Variants in NBEA observed in about 807,000 individuals in gnomAD.
NBEA encodes the protein lysosomal-trafficking regulator 2.
In NBEA, 44 loss-of-function variants were observed where a neutral mutation model predicts 343.4. The ratio of observed to expected loss-of-function variants is 0.13; its 90% confidence interval spans 0.10 to 0.16. The LOEUF is 0.16. NBEA is among the 10% of genes least tolerant of loss of function. NBEA has a pLI of 1.00. For missense variants in NBEA, 2,555 were observed against 3,631.3 expected, an observed-to-expected ratio of 0.70 and a Z score of 7.62; for synonymous variants, 1,175 against 1,238.7, an observed-to-expected ratio of 0.95 and a Z score of 1.08.
At chr13:35,343,829 C>T (rs144361530) in intron 36 of NBEA, among the ~76,000 whole-genome samples, 432 of 152,110 alleles carry the variant, frequency 2.8e-3, no homozygotes, top group Non-Finnish European at 4.8e-3. Context: ...GCTCAGGGCT[C>T]CCACTGATTC....
chr13:35,204,946 C>A (rs191696217), intron 31 of NBEA, among the ~76,000 whole-genome samples: 1 of 152,118 alleles, frequency 6.6e-6, no homozygotes, highest in East Asian at 1.9e-4. Context: ...GTGTAACAAT[C>A]TGATAGAAGA....
intron 49 of NBEA, among the ~76,000 whole-genome samples, chr13:35,639,484 G>A (rs1267194342): frequency 6.6e-6 from 1 of 151,740 alleles, no homozygotes; most frequent in Non-Finnish European, 1.5e-5. Flanking sequence ...TTCCTATTTG[G>A]CATTGGTAGA....
intron 40 of NBEA, among the ~76,000 whole-genome samples, chr13:35,458,715 T>C (rs1277988320): frequency 6.6e-6 from 1 of 152,150 alleles, no homozygotes; most frequent in Non-Finnish European, 1.5e-5. Context: ...ACAGCTAAAG[T>C]TAAGCTAATC....
At chr13:35,564,975 A>G (rs1248856510) in intron 44 of NBEA, among the ~76,000 whole-genome samples, 1 of 152,192 alleles carries the variant, frequency 6.6e-6, no homozygotes, top group Non-Finnish European at 1.5e-5. Flanking sequence ...AGAGATTAAA[A>G]CAAACAAACA....
chr13:35,360,339 A>G (rs1022553082), intron 38 of NBEA, among the ~76,000 whole-genome samples: 4 of 152,082 alleles, frequency 2.6e-5, no homozygotes, highest in Non-Finnish European at 5.9e-5. Flanking sequence ...CACTGAAGGC[A>G]TGAAAGAACT....
intron 1 of NBEA, among the ~76,000 whole-genome samples, chr13:35,035,105 A>G (rs1027768496): frequency 6.6e-6 from 1 of 151,612 alleles, no homozygotes; most frequent in African/African-American, 2.4e-5. Flanking sequence ...TTTAAGGTGC[A>G]GCATTTGATT....
chr13:35,395,672 T>C (rs1229815419), intron 38 of NBEA, among the ~76,000 whole-genome samples: 1 of 152,148 alleles, frequency 6.6e-6, no homozygotes, highest in African/African-American at 2.4e-5. Context: ...TGGTTGATAG[T>C]GTGTTTCAGA....
chr13:35,010,226 A>G (rs565478130), intron 1 of NBEA, among the ~76,000 whole-genome samples: 1 of 152,230 alleles, frequency 6.6e-6, no homozygotes, highest in African/African-American at 2.4e-5. Context: ...TGAATAGAGA[A>G]GAGATGCAAG....
intron 38 of NBEA, among the ~76,000 whole-genome samples, chr13:35,411,599 G>C (rs140269817): frequency 7.0e-4 from 107 of 152,080 alleles, no homozygotes; most frequent in African/African-American, 2.5e-3. Context: ...TGGGACCACA[G>C]ACATGTGCCA....
chr13:35,124,923 A>C (rs545658865), intron 17 of NBEA, among the ~76,000 whole-genome samples: 1 of 152,210 alleles, frequency 6.6e-6, no homozygotes, highest in African/African-American at 2.4e-5. Flanking sequence ...GATAAAGATC[A>C]CTTCTTTAAC....
intron 36 of NBEA, among the ~76,000 whole-genome samples, chr13:35,321,994 A>G (rs2038183928): frequency 1.3e-5 from 2 of 152,166 alleles, no homozygotes; most frequent in South Asian, 4.1e-4. Flanking sequence ...CTGTGCTGGC[A>G]GCGAGAATTT....
intron 41 of NBEA, chr13:35,475,132 T>G: frequency 6.2e-7 from 1 of 1,614,144 alleles, no homozygotes; most frequent in Non-Finnish European, 8.5e-7. Flanking sequence ...GGCAGCGTTT[T>G]CCAGAGCTGA....
intron 38 of NBEA, among the ~76,000 whole-genome samples, chr13:35,390,895 A>G (rs1039381841): frequency 6.6e-6 from 1 of 152,122 alleles, no homozygotes; most frequent in Non-Finnish European, 1.5e-5. Context: ...TTGCTGCTAT[A>G]CAAAAATGCC....
intron 31 of NBEA, among the ~76,000 whole-genome samples, chr13:35,207,453 T>C (rs116310596): frequency 0.015 from 2,232 of 152,214 alleles, 47 homozygotes; most frequent in African/African-American, 0.052. Flanking sequence ...GATGAATAAA[T>C]TCTGTGATGG....
chr13:35,365,821 T>C (rs2041074942), intron 38 of NBEA, among the ~76,000 whole-genome samples: 1 of 151,670 alleles, frequency 6.6e-6, no homozygotes, highest in Non-Finnish European at 1.5e-5. Context: ...TAACAACATA[T>C]ATTTTTGTTT....
At chr13:35,581,393 T>A (rs2081027430) in intron 45 of NBEA, among the ~76,000 whole-genome samples, 1 of 152,038 alleles carries the variant, frequency 6.6e-6, no homozygotes, top group Non-Finnish European at 1.5e-5. Flanking sequence ...CATTTTTTCA[T>A]GTGTTTTTTG....
At chr13:35,028,777 AT>A (rs2152546893) in intron 1 of NBEA, among the ~76,000 whole-genome samples, 1 of 150,226 alleles carries the variant, frequency 6.7e-6, no homozygotes, top group Admixed American at 6.6e-5. Context: ...ATACCCCCAC[AT>A]TTCCCCCTTC....
At chr13:35,174,136 T>C (rs1261119305) in intron 27 of NBEA, among the ~76,000 whole-genome samples, 1 of 152,148 alleles carries the variant, frequency 6.6e-6, no homozygotes, top group African/African-American at 2.4e-5. Context: ...CCCTTTACCC[T>C]TGCTTGTGCT....
chr13:35,179,703 T>G (rs1219002482), intron 28 of NBEA: 2 of 869,704 alleles, frequency 2.3e-6, no homozygotes, highest in East Asian at 1.2e-4. Flanking sequence ...GAATGCCTTC[T>G]GATTGCCTGG....
Sources: gnomAD v4.1 joint callset for allele counts (sites outside exome capture counted in the v4.1 genomes callset) on GRCh38, gnomAD v4.1.1 for gene constraint, MANE v1.5 for transcripts, NCBI Gene and HGNC (gene_info 2026-07-23, HGNC 2026-07-21) for gene names.